SHLD1: variants seen among roughly 807,000 people sequenced by gnomAD.
SHLD1 encodes RINN1-REV7-interacting novel NHEJ regulator 3.
In SHLD1, 3 loss-of-function variants were observed where a neutral mutation model predicts 5.5. That is an observed-to-expected ratio of 0.54 (90% CI 0.25 to 1.40). The LOEUF is 1.40. Ranked by LOEUF, SHLD1 falls within the 40% of genes most tolerant of loss-of-function variation. The pLI, the probability that SHLD1 is intolerant of heterozygous loss-of-function variation, is 0.15. For synonymous variants in SHLD1, 92 were observed against 94.3 expected, an observed-to-expected ratio of 0.98 and a Z score of 0.14; for missense variants, 210 against 244.4, an observed-to-expected ratio of 0.86 and a Z score of 0.94.
intron 2 of SHLD1, among the ~76,000 whole-genome samples, chr20:5,861,211 G>A (rs1029974246): frequency 2.0e-5 from 3 of 152,334 alleles, no homozygotes; most frequent in Admixed American, 2.0e-4. Flanking sequence ...AAGATTGCAG[G>A]TCACCTCCTC....
intron 2 of SHLD1, among the ~76,000 whole-genome samples, chr20:5,861,524 G>A (rs539249792): frequency 5.9e-5 from 9 of 152,300 alleles, no homozygotes; most frequent in South Asian, 2.1e-4. Flanking sequence ...GTAGGCCTGC[G>A]TGTGACTCAA....
chr20:5,798,430 G>A (rs1385485812), intron 2 of SHLD1, among the ~76,000 whole-genome samples: 3 of 151,172 alleles, frequency 2.0e-5, no homozygotes, highest in African/African-American at 7.3e-5. Flanking sequence ...AGCCTCCTGA[G>A]TAGATGGGAC....
At chr20:5,800,280 T>TC (rs2087273379) in intron 2 of SHLD1, among the ~76,000 whole-genome samples, 2 of 152,272 alleles carry the variant, frequency 1.3e-5, no homozygotes, top group South Asian at 4.1e-4. Flanking sequence ...CTTTTTATAC[T>TC]CCAAGACATC....
chr20:5,818,581 G>A (rs2087567618), intron 2 of SHLD1, among the ~76,000 whole-genome samples: 1 of 152,162 alleles, frequency 6.6e-6, no homozygotes, highest in Non-Finnish European at 1.5e-5. Flanking sequence ...TGGGTTGGTT[G>A]GTAGGTAGGT....
intron 2 of SHLD1, among the ~76,000 whole-genome samples, chr20:5,777,442 C>T (rs1226279053): frequency 6.6e-6 from 1 of 151,262 alleles, no homozygotes; most frequent in Non-Finnish European, 1.5e-5. Context: ...AAATGTTTCA[C>T]TTTTTTTTTC....
intron 2 of SHLD1, among the ~76,000 whole-genome samples, chr20:5,834,896 G>C (rs1357444103): frequency 6.6e-6 from 1 of 152,116 alleles, no homozygotes; most frequent in Admixed American, 6.5e-5. Flanking sequence ...GGGCAGGGGG[G>C]CTTTCTGGGG....
intron 2 of SHLD1, among the ~76,000 whole-genome samples, chr20:5,817,646 T>C (rs1568517537): frequency 6.6e-6 from 1 of 152,150 alleles, no homozygotes; most frequent in African/African-American, 2.4e-5. Flanking sequence ...AGAACATGCA[T>C]GTCTCCCAGC....
chr20:5,752,580 C>G (rs947914505), intron 1 of SHLD1, among the ~76,000 whole-genome samples: 1 of 150,620 alleles, frequency 6.6e-6, no homozygotes, highest in Non-Finnish European at 1.5e-5. Context: ...CTTTGTAGGG[C>G]CATTTTAAAA....
chr20:5,771,721 G>C (rs1258677332), intron 1 of SHLD1, among the ~76,000 whole-genome samples: 1 of 151,548 alleles, frequency 6.6e-6, no homozygotes, highest in East Asian at 1.9e-4. Context: ...AACTTTTGCA[G>C]TTTGAGGTGT....
chr20:5,818,012 C>T (rs1015543767), intron 2 of SHLD1, among the ~76,000 whole-genome samples: 4 of 152,202 alleles, frequency 2.6e-5, no homozygotes, highest in African/African-American at 9.6e-5. Flanking sequence ...TAACTGTGAC[C>T]AGGATCTGAA....
Position 5,806,055 on chromosome 20 carries a change from C to T in SHLD1, c.178+33012C>T, listed in dbSNP as rs189739077. Among the ~76,000 whole-genome samples, 580 of 152,138 alleles carry T rather than the reference C, an allele frequency of 3.8e-3. 5 individuals are homozygous for T. The highest frequency in any genetic ancestry group is 5.6e-3 in the Non-Finnish European group (383 of 67,994). ...AATTTTTAAATATTTTTTAGAGATG[C>T]GGCCTTGCTCTGTTGCCCAGGCTAG... On this transcript the variant is annotated intron_variant, in intron 2 of 2. Transcript: ENST00000303142. This position sits in a 1 kb window ranked among gnomAD's most constrained non-coding sequence, Gnocchi z 7.6.
At position 5,806,186 on chromosome 20, in the gene SHLD1, C is replaced by T. The variant is rs185960900; in HGVS notation, c.178+33143C>T. Among the ~76,000 whole-genome samples the T allele has an allele frequency of 8.5e-4, 130 of 152,192 alleles. No individual in the cohort carries two copies. Among genetic ancestry groups the T allele is most frequent in the Middle Eastern group, 6.8e-3 (2 of 294 alleles). The stretch of plus-strand genomic sequence containing the variant: ...GGCTGCTTTATAATTTTTTACTTGG[C>T]GTTTCTTTATCTGTTTTATGGGGAC... On this transcript the variant is annotated intron_variant, in intron 2 of 2. Transcript: ENST00000303142. This position sits in a 1 kb window ranked among gnomAD's most constrained non-coding sequence, Gnocchi z 7.6.
At chr20:5,823,949 C>G (rs1452362597) in intron 2 of SHLD1, among the ~76,000 whole-genome samples, 1 of 152,178 alleles carries the variant, frequency 6.6e-6, no homozygotes, top group Non-Finnish European at 1.5e-5. Flanking sequence ...ACAACTCCTG[C>G]AGTAGCCTCG....
intron 2 of SHLD1, among the ~76,000 whole-genome samples, chr20:5,801,635 G>C (rs2087295577): frequency 6.6e-6 from 1 of 152,178 alleles, no homozygotes; most frequent in African/African-American, 2.4e-5. Context: ...TCTACTGGAA[G>C]GAAGAAGCCA....
rs71334360 is a variant in SHLD1, at chr20:5,852,415, C to CCCTTCCTTCCTTCCTTCCTT, written c.179-10599_179-10580dup. ...CTTCCTTTCCTTCCTTCCTTTCCCT[C>CCCTTCCTTCCTTCCTTCCTT]CCTTCCTTCCTTCCTTCCTTCCTTC... On this transcript the variant is annotated intron_variant, in intron 2 of 2. Transcript: ENST00000303142. Among the ~76,000 whole-genome samples, 383 of 150,092 alleles carry CCCTTCCTTCCTTCCTTCCTT rather than the reference C, an allele frequency of 2.6e-3. 6 individuals are homozygous for CCCTTCCTTCCTTCCTTCCTT. The highest frequency in any genetic ancestry group is 9.3e-3 in the African/African-American group (372 of 40,092).
intron 2 of SHLD1, among the ~76,000 whole-genome samples, chr20:5,848,830 G>T (rs924709022): frequency 3.3e-5 from 5 of 152,028 alleles, no homozygotes; most frequent in Non-Finnish European, 5.9e-5. Context: ...TGGCCTCTTA[G>T]AGGACCGCGT....
chr20:5,774,622 G>A (rs1057393059), intron 2 of SHLD1, among the ~76,000 whole-genome samples: 4 of 152,142 alleles, frequency 2.6e-5, no homozygotes, highest in Non-Finnish European at 2.9e-5. Context: ...CACTTCACAT[G>A]GCTGAAGCAG....
intron 1 of SHLD1, among the ~76,000 whole-genome samples, chr20:5,756,112 A>G (rs1984080367): frequency 6.6e-6 from 1 of 152,026 alleles, no homozygotes; most frequent in Admixed American, 6.6e-5. Context: ...CGAAGAGAGA[A>G]AAGTATAAGG....
chr20:5,858,448 C>T (rs1486430786), intron 2 of SHLD1, among the ~76,000 whole-genome samples: 1 of 152,324 alleles, frequency 6.6e-6, no homozygotes, highest in South Asian at 2.1e-4. Flanking sequence ...AACTATTAAT[C>T]TCAAGTGCTC....
Sources: gnomAD v4.1 joint callset for allele counts (sites outside exome capture counted in the v4.1 genomes callset) on GRCh38, gnomAD v4.1.1 for gene constraint, Gnocchi (gnomAD v3.1) non-coding constraint, MANE v1.5 for transcripts, NCBI Gene and HGNC (gene_info 2026-07-23, HGNC 2026-07-21) for gene names.